Variants in NLGN1 observed in about 807,000 individuals in gnomAD.
NLGN1 encodes neuroligin-1.
In NLGN1, 12 loss-of-function variants were observed where a neutral mutation model predicts 65.5. That is an observed-to-expected ratio of 0.18 (90% confidence interval 0.12 to 0.30). The LOEUF is 0.30. Ranked by LOEUF, NLGN1 falls within the 10% of genes least tolerant of loss-of-function variation. The probability of loss-of-function intolerance (pLI) is 1.00; values close to 1 mark genes in which losing one functional copy is unlikely to be tolerated. For missense variants in NLGN1, 750 were observed against 1,007.1 expected (o/e 0.74, Z 3.46); for synonymous variants, 350 against 359.5 (o/e 0.97, Z 0.30).
chr3:173,751,204 G>T (rs542203704), intron 3 of NLGN1, among the ~76,000 whole-genome samples: 1 of 151,990 alleles, frequency 6.6e-6, no homozygotes. Context: ...GATAATGTTT[G>T]TGCATAGATA....
chr3:173,567,718 T>C (rs1476530107), intron 2 of NLGN1, among the ~76,000 whole-genome samples: 1 of 152,008 alleles, frequency 6.6e-6, no homozygotes, highest in Admixed American at 6.6e-5. Context: ...CTATAAATTA[T>C]TGTGAGGAGC....
chr3:173,881,793 G>A (rs1578965384), intron 4 of NLGN1, among the ~76,000 whole-genome samples: 1 of 152,084 alleles, frequency 6.6e-6, no homozygotes, highest in South Asian at 2.1e-4. Context: ...CATGAGGATT[G>A]GAATCAACTT....
intron 1 of NLGN1, among the ~76,000 whole-genome samples, chr3:173,400,312 T>C (rs895969722): frequency 6.6e-6 from 1 of 152,172 alleles, no homozygotes; most frequent in African/African-American, 2.4e-5. Flanking sequence ...AGTGGCTCCT[T>C]ATAGATTATT....
intron 2 of NLGN1, among the ~76,000 whole-genome samples, chr3:173,455,102 C>T (rs1456161287): frequency 1.3e-5 from 2 of 152,122 alleles, no homozygotes; most frequent in Non-Finnish European, 2.9e-5. Flanking sequence ...AAAACAATTA[C>T]AAAAGTAACA....
At chr3:173,816,503 G>C (rs1719068874) in intron 4 of NLGN1, among the ~76,000 whole-genome samples, 1 of 152,090 alleles carries the variant, frequency 6.6e-6, no homozygotes, top group Non-Finnish European at 1.5e-5. Context: ...ATTTTCCTAG[G>C]TTTTCTAAAA....
At chr3:173,932,017 CTGTTTTGTTTTGTTT>C (rs113507013) in intron 4 of NLGN1, among the ~76,000 whole-genome samples, 1 of 151,710 alleles carries the variant, frequency 6.6e-6, no homozygotes, top group Non-Finnish European at 1.5e-5. Context: ...AATTTTTTTT[CTGTTTTGTTTTGTTT>C]TGTTTTGTTT....
chr3:173,457,019 G>A lies in NLGN1; in HGVS notation c.-321+21941G>A, dbSNP rs574126072. ...CCCTAACCTATCTCTTCCCATTTTTGCATCTTCTAGCATTACTTACTATCA... is the reference window on the plus strand; with the variant it reads ...CCCTAACCTATCTCTTCCCATTTTTACATCTTCTAGCATTACTTACTATCA... On this transcript the variant is annotated intron_variant, in intron 2 of 6. Transcript: ENST00000457714. 6.6e-5 allele frequency among the ~76,000 whole-genome samples: 10 copies of A among 152,060 alleles called. No homozygotes were observed. In the South Asian group the frequency reaches 2.1e-3, roughly 32 times the overall value.
chr3:173,789,497 A>C (rs529928138), intron 3 of NLGN1, among the ~76,000 whole-genome samples: 7 of 152,338 alleles, frequency 4.6e-5, no homozygotes, highest in African/African-American at 1.7e-4. Flanking sequence ...GATAGAACAC[A>C]TTGTCCCTTC....
intron 2 of NLGN1, among the ~76,000 whole-genome samples, chr3:173,529,385 G>C (rs1240278455): frequency 6.6e-6 from 1 of 152,162 alleles, no homozygotes; most frequent in Non-Finnish European, 1.5e-5. Flanking sequence ...TCGGGGTGAA[G>C]GGGGGACAAA....
chr3:173,539,582 T>C (rs924673453), intron 2 of NLGN1, among the ~76,000 whole-genome samples: 3 of 140,006 alleles, frequency 2.1e-5, no homozygotes, highest in African/African-American at 5.4e-5. Context: ...ATATGTTATG[T>C]TATATATGTT....
At chr3:173,579,429 A>C (rs1227340572) in intron 2 of NLGN1, among the ~76,000 whole-genome samples, 1 of 152,266 alleles carries the variant, frequency 6.6e-6, no homozygotes, top group East Asian at 1.9e-4. Context: ...GTGAGCCATG[A>C]TCGTGCCTCT....
At chr3:173,843,304 C>T (rs1384858845) in intron 4 of NLGN1, among the ~76,000 whole-genome samples, 1 of 151,950 alleles carries the variant, frequency 6.6e-6, no homozygotes, top group Non-Finnish European at 1.5e-5. Flanking sequence ...TGACGTGCCC[C>T]GAAGACATTT....
Position 173,794,074 on chromosome 3 carries a change from T to C in NLGN1, c.494-13606T>C, listed in dbSNP as rs191987727. 1.0e-3 allele frequency among the ~76,000 whole-genome samples: 155 copies of C among 152,122 alleles called. 1 individual carries two copies. The highest frequency in any genetic ancestry group is 2.3e-3 in the Admixed American group (35 of 15,250). On this transcript the variant is annotated intron_variant, in intron 3 of 6. Transcript: ENST00000457714. ...GGGGCCTTTCTATGTGCTATTTTCT[T>C]TCCCCGAAATCTTCTTTCCACCCTA...
intron 4 of NLGN1, among the ~76,000 whole-genome samples, chr3:173,813,386 A>G (rs543877479): frequency 1.3e-5 from 2 of 152,214 alleles, no homozygotes; most frequent in African/African-American, 4.8e-5. Flanking sequence ...ATTTTATGCG[A>G]TTGTAATATT....
intron 4 of NLGN1, among the ~76,000 whole-genome samples, chr3:173,847,158 C>A (rs1725946430): frequency 2.0e-5 from 3 of 152,150 alleles, no homozygotes. Flanking sequence ...TAAAGAGCCA[C>A]TGTTTGAAAT....
chr3:174,071,717 CA>C (rs539244392), intron 4 of NLGN1, among the ~76,000 whole-genome samples: 27,877 of 93,010 alleles, frequency 0.3, 2,964 homozygotes, highest in African/African-American at 0.46. Context: ...GACCCTGTCC[CA>C]AAAAAAAAAA....
At chr3:173,749,166 C>T (rs901325871) in intron 3 of NLGN1, among the ~76,000 whole-genome samples, 13 of 152,002 alleles carry the variant, frequency 8.6e-5, no homozygotes, top group Non-Finnish European at 1.3e-4. Context: ...ATCTCACTCA[C>T]GCTTTTTGTT....
intron 4 of NLGN1, among the ~76,000 whole-genome samples, chr3:174,022,288 G>T (rs1727898606): frequency 6.6e-6 from 1 of 152,096 alleles, no homozygotes; most frequent in Non-Finnish European, 1.5e-5. Flanking sequence ...GAACTGAGTT[G>T]AAATTTAGCA....
At chr3:173,950,638 C>T (rs1217603875) in intron 4 of NLGN1, among the ~76,000 whole-genome samples, 1 of 151,852 alleles carries the variant, frequency 6.6e-6, no homozygotes, top group Admixed American at 6.6e-5. Flanking sequence ...TGTGGCGAAA[C>T]CCTGTCTCTA....
Sources: gnomAD v4.1 joint callset for allele counts (sites outside exome capture counted in the v4.1 genomes callset) on GRCh38, gnomAD v4.1.1 for gene constraint, MANE v1.5 for transcripts, NCBI Gene and HGNC (gene_info 2026-07-23, HGNC 2026-07-21) for gene names.